The following TPGS1 variants were observed in gnomAD, a reference collection of about 807,000 sequenced individuals.
TPGS1 encodes tubulin polyglutamylase complex subunit 1, also known as gene trap ROSA b-geo 22.
Under a neutral mutation model 11.9 loss-of-function variants are expected in TPGS1, and 18 were observed. The observed-to-expected ratio is 1.51, with a 90% CI of 1.04 to 2.24. TPGS1 has a LOEUF of 2.24. TPGS1 is among the 30% of genes most tolerant of loss of function. The pLI is 0.00. For synonymous variants in TPGS1, 247 were observed against 218.2 expected (o/e 1.13, Z -1.16); for missense variants, 500 against 443.0 (o/e 1.13, Z -1.16).
At chr19:516,347 A>G (rs893773237) in intron 1 of TPGS1, among the ~76,000 whole-genome samples, 35 of 152,040 alleles carry the variant, frequency 2.3e-4, no homozygotes, top group Non-Finnish European at 4.3e-4. Context: ...GAGGCGAGAA[A>G]CAAAGGCAGT....
At chr19:510,328 G>C (rs181194873) in intron 1 of TPGS1, 2 of 151,862 alleles carry the variant, frequency 1.3e-5, no homozygotes, top group Middle Eastern at 3.4e-3. Context: ...AGCCGAGATC[G>C]CGCCACTGCA....
At chr19:518,764 G>C in intron 1 of TPGS1, 125 bp from the exon 2 acceptor site, 3 of 1,054,106 alleles carry the variant, frequency 2.8e-6, no homozygotes, top group Non-Finnish European at 3.8e-6. Flanking sequence ...GGGGGTAGGA[G>C]GAGAGGGGAG....
chr19:514,687 G>A (rs1261848378), intron 1 of TPGS1, among the ~76,000 whole-genome samples: 1 of 152,254 alleles, frequency 6.6e-6, no homozygotes, highest in Non-Finnish European at 1.5e-5. Context: ...CGTAAGCCCT[G>A]AGGTTGGCCA....
intron 1 of TPGS1, 84 bp downstream of exon 1, chr19:507,928 G>GCCC (rs1009340984): frequency 9.1e-7 from 1 of 1,098,304 alleles, no homozygotes; most frequent in African/African-American, 1.6e-5. Context: ...TACCCGCAGC[G>GCCC]CCGGCGCAGG....
intron 1 of TPGS1, 92 bp downstream of exon 1, chr19:507,936 A>C (rs1314704669): frequency 1.9e-6 from 2 of 1,040,200 alleles, no homozygotes; most frequent in African/African-American, 1.7e-5. Flanking sequence ...GCGCCGGCGC[A>C]GGGGCCCGGG....
intron 1 of TPGS1, chr19:509,741 CAAAT>C (rs1978730195): frequency 6.6e-6 from 1 of 152,444 alleles, no homozygotes; most frequent in Non-Finnish European, 1.5e-5. Context: ...GCTGCTGTCT[CAAAT>C]AAGCTCTCAG....
At chr19:517,808 G>C in intron 1 of TPGS1, among the ~76,000 whole-genome samples, 1 of 103,008 alleles carries the variant, frequency 9.7e-6, no homozygotes, top group South Asian at 4.0e-4. Flanking sequence ...TTGGGAGGAG[G>C]AGGCCGAGGC....
rs1451488796 is a variant in TPGS1, at chr19:507,544, C to T, written c.38C>T (p.Pro13Leu). 6.3e-6 allele frequency: 9 copies of T among 1,419,872 alleles called. No homozygotes were observed. In the Admixed American group the frequency reaches 1.8e-4, roughly 29 times the overall value. 88.0% of individuals were successfully genotyped at this position (1,419,872 alleles called of 1,614,324 possible). ...GAGAAGCGGCGGCAAGCGGTACCAC[C>T]GCCGGCCGGTTTCACGGACAGCGGC... ...AVEKRRQAVP[P>L]PAGFTDSGRQ... The change falls in exon 1 of 2, where the codon CCG (proline) becomes CTG (leucine). Residue 13 changes from proline (P) to leucine (L), a missense_variant. Physicochemically the swap from Pro to Leu is moderately conservative, Grantham distance 98. Transcript: ENST00000359315.
rs1297603125 is a variant in TPGS1, at chr19:507,624, C to T, written c.118C>T (p.Arg40Trp). ...GAAESEEDFL[R>W]QVGVTEMLRA... ...GGCCGAGAGCGAGGAGGACTTCCTG[C>T]GGCAGGTCGGCGTGACGGAAATGCT... is the stretch of plus-strand genomic sequence containing the variant. Residue 40 changes from arginine to tryptophan, a missense_variant, in exon 1 of 2, where the codon CGG becomes TGG. By Grantham distance (101) the Arg-to-Trp change is moderately radical. Coordinates refer to ENST00000359315, the MANE Select transcript of TPGS1 (RefSeq NM_033513.3). 4.3e-6 allele frequency: 6 copies of T among 1,392,420 alleles called. No individual in the cohort carries two copies. In the African/African-American group the frequency reaches 4.5e-5, roughly 10 times the overall value. The allele number at this position is 1,392,420 out of a possible 1,614,324, so 86.3% of individuals were successfully genotyped here.
chr19:514,799 C>T (rs1299272174), intron 1 of TPGS1, among the ~76,000 whole-genome samples: 2 of 151,816 alleles, frequency 1.3e-5, no homozygotes, highest in Non-Finnish European at 3.0e-5. Flanking sequence ...GAGGCCTGGC[C>T]GGGAACTGAT....
intron 1 of TPGS1, among the ~76,000 whole-genome samples, chr19:513,137 C>G (rs1304173384): frequency 6.6e-6 from 1 of 152,196 alleles, no homozygotes; most frequent in Non-Finnish European, 1.5e-5. Flanking sequence ...GCAGCCTGCC[C>G]GGCCTCACAG....
intron 1 of TPGS1, chr19:510,184 T>A (rs1160439065): frequency 6.6e-6 from 1 of 151,936 alleles, no homozygotes; most frequent in South Asian, 2.1e-4. Flanking sequence ...CCATCCTGGC[T>A]AACACGGTGA....
chr19:514,776 A>C (rs1978903189), intron 1 of TPGS1, among the ~76,000 whole-genome samples: 1 of 152,220 alleles, frequency 6.6e-6, no homozygotes. Context: ...AGGAAGTAAC[A>C]GGCCACTAGC....
intron 1 of TPGS1, among the ~76,000 whole-genome samples, chr19:516,231 G>A (rs914005341): frequency 1.3e-5 from 2 of 152,126 alleles, no homozygotes; most frequent in African/African-American, 2.4e-5. Flanking sequence ...GGTGATCACC[G>A]GCTCAGCTGG....
At position 507,815 on chromosome 19, in the gene TPGS1, G is replaced by C; in HGVS notation, c.309G>C (p.Trp103Cys). The part of the protein sequence containing the change: ...LQQQRLGRAL[W>C]HLRLAHHSQR... ...AGCAGCGCCTGGGCCGCGCGCTATG[G>C]CACCTTCGCCTGGCCCACCACTCCC... is the stretch of plus-strand genomic sequence containing the variant. The change falls in exon 1 of 2, where the codon TGG (tryptophan) becomes TGC (cysteine). Residue 103 changes from tryptophan to cysteine, a missense_variant. Physicochemically the swap from Trp to Cys is radical, Grantham distance 215. Transcript: ENST00000359315. 3 of 1,359,756 alleles carry C rather than the reference G, an allele frequency of 2.2e-6. No homozygotes were observed. The highest frequency in any genetic ancestry group is 1.7e-5 in the South Asian group (1 of 58,350). 84.2% of individuals were successfully genotyped at this position (1,359,756 alleles called of 1,614,324 possible).
At chr19:518,861 C>T (rs749032856) in intron 1 of TPGS1, 28 bp from the exon 2 acceptor site, 3 of 1,484,592 alleles carry the variant, frequency 2.0e-6, no homozygotes, top group Middle Eastern at 2.0e-4. Flanking sequence ...GCGGTCTCTG[C>T]CGGCCCCCAA....
In TPGS1 at chr19:515,653, G is replaced by A. The variant is rs559494338; in HGVS notation, c.339-3236G>A. Among the ~76,000 whole-genome samples the A allele has an allele frequency of 2.9e-3, 445 of 152,122 alleles. 4 individuals are homozygous for A. The highest frequency in any genetic ancestry group is 9.8e-3 in the African/African-American group (407 of 41,488). On this transcript the variant is annotated intron_variant, in intron 1 of 1. Coordinates refer to ENST00000359315, the MANE Select transcript of TPGS1 (RefSeq NM_033513.3). ...CTCAGGAGGCTGAGGCAGGAGAATC[G>A]CTTGAACCCGGGAGGTGGAGGTTGC...
At chr19:517,690 AGGGGGGAGGCCAGGCTGGGGG>A in intron 1 of TPGS1, among the ~76,000 whole-genome samples, 1 of 5,172 alleles carries the variant, frequency 1.9e-4, no homozygotes, top group Non-Finnish European at 3.3e-4. Context: ...GGGGGCTGGG[AGGGGGGAGGCCAGGCTGGGGG>A]GTGCTGGGAG....
chr19:515,400 CAAA>C (rs71333289), intron 1 of TPGS1, among the ~76,000 whole-genome samples: 15 of 95,030 alleles, frequency 1.6e-4, no homozygotes, highest in Non-Finnish European at 1.6e-4. Context: ...GACCCTGTCT[CAAA>C]AAAAAAAAAA....
Sources: allele counts gnomAD v4.1 joint callset (sites outside exome capture counted in the v4.1 genomes callset), GRCh38; gene constraint gnomAD v4.1.1; transcripts MANE v1.5; gene names NCBI Gene and HGNC (gene_info 2026-07-23, HGNC 2026-07-21).